Variants in CNTN4 observed in about 807,000 individuals in gnomAD.
The protein encoded by CNTN4 is contactin 4.
Under a neutral mutation model 122.5 loss-of-function variants are expected in CNTN4, and 77 were observed. That is an observed-to-expected ratio of 0.63 (90% confidence interval 0.52 to 0.76). CNTN4 has a LOEUF of 0.76. CNTN4 is among the 30% of genes least tolerant of loss of function. CNTN4 has a pLI of 0.00. For missense variants in CNTN4, 1,256 were observed against 1,259.1 expected (o/e 1.00, Z 0.04); for synonymous variants, 512 against 447.0 (o/e 1.15, Z -1.83).
At chr3:2,502,232 A>G (rs1184581887) in intron 3 of CNTN4, among the ~76,000 whole-genome samples, 1 of 152,106 alleles carries the variant, frequency 6.6e-6, no homozygotes, top group Non-Finnish European at 1.5e-5. Context: ...CCTTTCTCCA[A>G]ATTTTAGAGA....
chr3:2,527,531 G>C (rs1412652798), intron 3 of CNTN4, among the ~76,000 whole-genome samples: 1 of 142,048 alleles, frequency 7.0e-6, no homozygotes, highest in Admixed American at 7.0e-5. Flanking sequence ...CGAGAAGTGT[G>C]TTGAGGAGAT....
At chr3:2,496,232 C>T (rs17194476) in intron 3 of CNTN4, among the ~76,000 whole-genome samples, 16,207 of 152,078 alleles carry the variant, frequency 0.11, 1,106 homozygotes, top group Middle Eastern at 0.16. Flanking sequence ...CTCTTGATGA[C>T]GTCCGATGTG....
intron 4 of CNTN4, among the ~76,000 whole-genome samples, chr3:2,601,550 GT>G (rs1216635678): frequency 6.6e-6 from 1 of 152,026 alleles, no homozygotes; most frequent in Admixed American, 6.6e-5. Context: ...GTTCTGTTCT[GT>G]TCCATTGGTC....
At chr3:2,162,972 G>A (rs889561171) in intron 2 of CNTN4, among the ~76,000 whole-genome samples, 16 of 152,142 alleles carry the variant, frequency 1.1e-4, no homozygotes, top group Admixed American at 2.0e-4. Context: ...TAGTGCACAC[G>A]TGTAGTCACA....
At position 3,026,277 on chromosome 3, in the gene CNTN4, G is replaced by T; in HGVS notation, c.1662G>T (p.Gly554=). 1 of 1,612,712 alleles carries T rather than the reference G, an allele frequency of 6.2e-7. No individual in the cohort carries two copies. The highest frequency in any genetic ancestry group is 8.5e-7 in the Non-Finnish European group (1 of 1,179,034). Residue 554 remains glycine, a splice_region_variant and synonymous_variant, in exon 15 of 25, where the codon GGG becomes GGT. Coordinates refer to ENST00000418658, the MANE Select transcript of CNTN4 (RefSeq NM_175607.3). ...RDGDHFERVG[G]QDSAGDLMIR... ...GGGACCACTTTGAAAGAGTTGGAGG[G>T]GTAAGTATTAATAGCAAAAACTGAC...
At chr3:2,822,966 G>T (rs1482424735) in intron 7 of CNTN4, among the ~76,000 whole-genome samples, 1 of 152,194 alleles carries the variant, frequency 6.6e-6, no homozygotes, top group Non-Finnish European at 1.5e-5. Context: ...AGCAGGCACG[G>T]CTAAGAAATT....
chr3:2,896,247 A>G, intron 10 of CNTN4, among the ~76,000 whole-genome samples: 1 of 152,108 alleles, frequency 6.6e-6, no homozygotes, highest in East Asian at 1.9e-4. Flanking sequence ...ATTTCACAAG[A>G]AATTCTCAAT....
chr3:2,197,011 G>C (rs11919762), intron 2 of CNTN4, among the ~76,000 whole-genome samples: 44,249 of 145,588 alleles, frequency 0.3, 7,285 homozygotes, highest in East Asian at 0.51. Context: ...TGCCACTGCA[G>C]TCCAGCTTGG....
At chr3:2,191,868 ATGCC>A in intron 2 of CNTN4, among the ~76,000 whole-genome samples, 1 of 151,770 alleles carries the variant, frequency 6.6e-6, no homozygotes, top group Non-Finnish European at 1.5e-5. Context: ...TCCTAATGCT[ATGCC>A]TCCCCCCTCC....
rs564532546 is a variant in CNTN4 at position 2,344,328 on chromosome 3, T to C, written c.-89+5095T>C. Among the ~76,000 whole-genome samples, 6 of 150,398 alleles carry C rather than the reference T, an allele frequency of 4.0e-5. No homozygotes were observed. In the South Asian group the frequency reaches 1.3e-3, roughly 32 times the overall value. On this transcript the variant is annotated intron_variant, in intron 3 of 24. Transcript: ENST00000418658. ...TCTAGCTCTGTTGCCCAGGCTGGAG[T>C]GCAGTGGTGTGATCTCGGCTCACTG...
At chr3:2,650,381 G>A (rs1285182316) in intron 4 of CNTN4, among the ~76,000 whole-genome samples, 1 of 152,058 alleles carries the variant, frequency 6.6e-6, no homozygotes, top group Non-Finnish European at 1.5e-5. Flanking sequence ...TTCTTGAGAT[G>A]GAATCTATTC....
At chr3:2,455,130 A>G (rs1028481450) in intron 3 of CNTN4, among the ~76,000 whole-genome samples, 1 of 152,144 alleles carries the variant, frequency 6.6e-6, no homozygotes, top group Non-Finnish European at 1.5e-5. Context: ...ACCCACATAA[A>G]GGTAGGGATG....
intron 6 of CNTN4, among the ~76,000 whole-genome samples, chr3:2,769,023 C>G (rs990883884): frequency 6.6e-6 from 1 of 152,112 alleles, no homozygotes; most frequent in African/African-American, 2.4e-5. Context: ...CACCCTGAAG[C>G]CAAAGAAACA....
At chr3:2,877,817 T>A (rs2150940237) in intron 8 of CNTN4, among the ~76,000 whole-genome samples, 1 of 152,320 alleles carries the variant, frequency 6.6e-6, no homozygotes, top group African/African-American at 2.4e-5. Context: ...GCACTCTTAT[T>A]TTAAGGGGCC....
chr3:2,922,052 G>T (rs1048981926), intron 12 of CNTN4, among the ~76,000 whole-genome samples: 1 of 152,124 alleles, frequency 6.6e-6, no homozygotes, highest in Non-Finnish European at 1.5e-5. Flanking sequence ...AGGGAGTGGT[G>T]CCCTCTAGCA....
intron 4 of CNTN4, among the ~76,000 whole-genome samples, chr3:2,582,905 A>G (rs1352365127): frequency 4.1e-4 from 1 of 2,456 alleles, no homozygotes; most frequent in Non-Finnish European, 1.8e-3. Flanking sequence ...TTCTGATACA[A>G]AAAAAAAAAA....
intron 13 of CNTN4, among the ~76,000 whole-genome samples, chr3:2,943,391 C>T (rs1334751005): frequency 6.6e-6 from 1 of 152,022 alleles, no homozygotes; most frequent in Non-Finnish European, 1.5e-5. Context: ...GAGAACAGGA[C>T]TTTACTTCTA....
intron 4 of CNTN4, among the ~76,000 whole-genome samples, chr3:2,643,021 C>A (rs1336983226): frequency 6.6e-6 from 1 of 152,132 alleles, no homozygotes; most frequent in Admixed American, 6.5e-5. Context: ...TTGAAATAAT[C>A]TTTTTAAAAC....
At chr3:2,383,088 A>AC (rs1487456910) in intron 3 of CNTN4, among the ~76,000 whole-genome samples, 3 of 152,064 alleles carry the variant, frequency 2.0e-5, no homozygotes, top group Non-Finnish European at 2.9e-5. Context: ...AAAAAAAAAA[A>AC]AGTAAGATAA....
Sources: gnomAD v4.1 joint callset for allele counts (sites outside exome capture counted in the v4.1 genomes callset) on GRCh38, gnomAD v4.1.1 for gene constraint, MANE v1.5 for transcripts, NCBI Gene and HGNC (gene_info 2026-07-23, HGNC 2026-07-21) for gene names.